The following FER variants were observed in gnomAD, a reference collection of about 807,000 sequenced individuals.
FER encodes FER tyrosine kinase.
A neutral mutation model predicts 111.0 loss-of-function variants in FER; 63 were observed. The ratio of observed to expected loss-of-function variants is 0.57; its 90% CI spans 0.46 to 0.70. The LOEUF (loss-of-function observed/expected upper bound fraction) is 0.70, where lower values mean the gene tolerates loss of function less well. FER is among the 30% of genes least tolerant of loss of function. The pLI, the probability that FER is intolerant of heterozygous loss-of-function variation, is 0.00. For missense variants in FER, 914 were observed against 954.0 expected (o/e 0.96, Z 0.55); for synonymous variants, 327 against 313.9 (o/e 1.04, Z -0.44).
chr5:108,780,831 A>G (rs1165407411), intron 2 of FER, among the ~76,000 whole-genome samples: 1 of 133,340 alleles, frequency 7.5e-6, no homozygotes, highest in Non-Finnish European at 1.6e-5. Context: ...TTTTCAGTCT[A>G]TTTTCTGTTT....
intron 2 of FER, among the ~76,000 whole-genome samples, chr5:108,780,487 C>T (rs903967996): frequency 1.3e-5 from 2 of 151,510 alleles, no homozygotes; most frequent in African/African-American, 4.8e-5. Flanking sequence ...TAATTATTCT[C>T]TTTGCTCTTT....
In FER at chr5:108,954,735, G is replaced by C; in HGVS notation, c.1336G>C (p.Asp446His). Residue 446 changes from aspartate (D) to histidine (H), a missense_variant, in exon 12 of 20, where the codon GAT becomes CAT. This residue lies in a region of FER where 774 missense variants were observed against 782.6 expected (regional missense o/e 0.99). Transcript: ENST00000281092. ...TTTTTAATATTTGTTTAAGCTTTCT[G>C]ATATGATCTCCATCAGTGAGAAGCC... ...KSALGSSALSDMISISEKPLA... is the reference protein window; with the variant it reads ...KSALGSSALSHMISISEKPLA... The C allele has an allele frequency of 6.4e-7, 1 of 1,558,152 alleles. No homozygotes were observed.
intron 11 of FER, among the ~76,000 whole-genome samples, chr5:108,949,073 A>G (rs1757382753): frequency 6.6e-6 from 1 of 152,118 alleles, no homozygotes; most frequent in Admixed American, 6.6e-5. Flanking sequence ...TCCTTCATAT[A>G]GAATAATATT....
chr5:108,792,107 A>G (rs1755444464), intron 2 of FER, among the ~76,000 whole-genome samples: 1 of 152,228 alleles, frequency 6.6e-6, no homozygotes, highest in Non-Finnish European at 1.5e-5. Context: ...TTTTGAAATC[A>G]GAAAGTGTGA....
intron 2 of FER, among the ~76,000 whole-genome samples, chr5:108,770,639 G>A (rs1184332220): frequency 1.3e-5 from 2 of 152,058 alleles, no homozygotes; most frequent in African/African-American, 4.8e-5. Context: ...GTCTCCCAAA[G>A]TGTTGGGACT....
chr5:108,814,844 G>T (rs1348623042), intron 3 of FER, among the ~76,000 whole-genome samples: 1 of 151,980 alleles, frequency 6.6e-6, no homozygotes, highest in African/African-American at 2.4e-5. Context: ...TAATCCTGAG[G>T]GCATGTTTCT....
In FER at chr5:108,794,526, A is replaced by ACCC. The variant is rs138716410; in HGVS notation, c.-59-3590_-59-3588dup. ...GAGTCACTGTGCTTGCCCCCTCCGC[A>ACCC]CCCCCCCCCCTCCCCGCACCTTAAC... On this transcript the variant is annotated intron_variant, in intron 2 of 19. Transcript: ENST00000281092. Among the ~76,000 whole-genome samples the ACCC allele has an allele frequency of 9.7e-4, 103 of 106,364 alleles. 1 individual carries two copies. Among genetic ancestry groups the ACCC allele is most frequent in the African/African-American group, 1.8e-3 (49 of 26,646 alleles). 69.8% of individuals were successfully genotyped at this position (106,364 alleles called of 152,430 possible).
At chr5:109,080,657 A>G (rs1177025265) in intron 16 of FER, among the ~76,000 whole-genome samples, 1 of 152,114 alleles carries the variant, frequency 6.6e-6, no homozygotes, top group Admixed American at 6.6e-5. Flanking sequence ...TCAAAAGTAA[A>G]TGGATATGGA....
chr5:108,800,743 T>C (rs1756550355), intron 3 of FER, among the ~76,000 whole-genome samples: 1 of 152,258 alleles, frequency 6.6e-6, no homozygotes, highest in Non-Finnish European at 1.5e-5. Flanking sequence ...TTTCGTATTA[T>C]ATCTTAAAAA....
intron 1 of FER, among the ~76,000 whole-genome samples, chr5:108,763,103 C>A (rs1357744579): frequency 6.6e-6 from 1 of 151,762 alleles, no homozygotes; most frequent in Admixed American, 6.6e-5. Context: ...ACTCATGGCA[C>A]ACAGATAGCA....
chr5:108,957,232 GA>G (rs1445520278), intron 12 of FER, among the ~76,000 whole-genome samples: 2 of 151,464 alleles, frequency 1.3e-5, no homozygotes, highest in Non-Finnish European at 3.0e-5. Flanking sequence ...ATGAATACTG[GA>G]AAGCTCATGT....
chr5:109,003,840 C>T (rs968799771), intron 13 of FER, among the ~76,000 whole-genome samples: 1 of 151,958 alleles, frequency 6.6e-6, no homozygotes, highest in African/African-American at 2.4e-5. Flanking sequence ...ATTTGCTGGG[C>T]ATGGTGGCGC....
intron 5 of FER, among the ~76,000 whole-genome samples, chr5:108,852,677 G>C (rs1276289911): frequency 6.6e-6 from 1 of 152,030 alleles, no homozygotes; most frequent in Admixed American, 6.6e-5. Context: ...GAAAATGAGA[G>C]GTTTCCACTT....
chr5:108,898,253 A>G (rs1186846691), intron 10 of FER, among the ~76,000 whole-genome samples: 2 of 152,204 alleles, frequency 1.3e-5, no homozygotes, highest in Non-Finnish European at 2.9e-5. Flanking sequence ...CTTTTAAAAT[A>G]CAAAATATTG....
chr5:108,856,735 C>T (rs1437115589), intron 5 of FER, among the ~76,000 whole-genome samples: 2 of 152,004 alleles, frequency 1.3e-5, no homozygotes, highest in African/African-American at 4.8e-5. Context: ...TCCACACACT[C>T]GACTAGTCTT....
rs572194786 is a variant in FER at position 108,805,909 on chromosome 5, G to T, written c.207+7520G>T. Reference sequence around the variant, plus strand: ...GAAAAGAAAATCCCATTTTCTGAGAGAAATTCAAGAAATTTGCATAAGTAA... The same window carrying T: ...GAAAAGAAAATCCCATTTTCTGAGATAAATTCAAGAAATTTGCATAAGTAA... On this transcript the variant is annotated intron_variant, in intron 3 of 19. Coordinates refer to ENST00000281092, the MANE Select transcript of FER (RefSeq NM_005246.4). Among the ~76,000 whole-genome samples, 20 of 152,304 alleles carry T rather than the reference G, an allele frequency of 1.3e-4. 1 individual carries two copies. The highest frequency in any genetic ancestry group is 7.4e-5 in the Non-Finnish European group (5 of 68,014).
intron 5 of FER, among the ~76,000 whole-genome samples, chr5:108,860,177 A>G (rs1173945248): frequency 6.6e-6 from 1 of 151,884 alleles, no homozygotes; most frequent in African/African-American, 2.4e-5. Context: ...TCCTGACCTC[A>G]TGATCCTTCC....
chr5:109,005,796 T>C (rs80167697), intron 13 of FER, among the ~76,000 whole-genome samples: 8,890 of 152,298 alleles, frequency 0.058, 401 homozygotes, highest in South Asian at 0.12. Flanking sequence ...CTTCCTGTGC[T>C]TTGTAAACTC....
In FER at chr5:109,191,406, A is replaced by C. The variant is rs76885502; in HGVS notation, c.*3831A>C. ...GCCCTCTTCTTTTTACGTATACTCC[A>C]TTTATCATTGATATTTTAGATGTTT... is the stretch of plus-strand genomic sequence containing the variant. On this transcript the variant is annotated 3_prime_UTR_variant, in exon 20 of 20. Transcript: ENST00000281092. 21,131 of 152,040 alleles carry C rather than the reference A, an allele frequency of 0.14. 1,485 individuals are homozygous for C. The highest frequency in any genetic ancestry group is 0.18 in the Middle Eastern group (54 of 294). 9.4% of individuals were successfully genotyped at this position (152,040 alleles called of 1,614,324 possible). A position where few individuals can be genotyped will look rare whatever the true frequency, so the allele number is the denominator to read the frequency against.
Sources: allele counts gnomAD v4.1 joint callset (sites outside exome capture counted in the v4.1 genomes callset), GRCh38; gene constraint gnomAD v4.1.1; regional missense constraint gnomAD v4.1.1; transcripts MANE v1.5; gene names NCBI Gene and HGNC (gene_info 2026-07-23, HGNC 2026-07-21).